Variants in C19orf38 observed in about 807,000 individuals in gnomAD.
The protein encoded by C19orf38 is chromosome 19 open reading frame 38, also known as protein HIDE1.
C19orf38 carries 14 observed loss-of-function variants against 26.6 expected under a neutral mutation model. That is an observed-to-expected ratio of 0.53 (90% CI 0.35 to 0.82). The LOEUF (loss-of-function observed/expected upper bound fraction) is 0.82. Ranked by LOEUF, C19orf38 falls within the 40% of genes least tolerant of loss-of-function variation. C19orf38 has a pLI of 0.01. For missense variants in C19orf38, 261 were observed against 299.5 expected (o/e 0.87, Z 0.95); for synonymous variants, 132 against 128.5 (o/e 1.03, Z -0.18).
chr19:10,848,383 G>A (rs2073535136), upstream of C19orf38: 2 of 1,051,150 alleles, frequency 1.9e-6, no homozygotes, highest in Admixed American at 4.1e-5. Flanking sequence ...CTGCCAGTGA[G>A]GAAACTCTCA....
In C19orf38 at chr19:10,848,525, T is replaced by C; in HGVS notation, c.17T>C (p.Leu6Ser). 2 of 1,551,684 alleles carry C rather than the reference T, an allele frequency of 1.3e-6. No individual in the cohort carries two copies. Among genetic ancestry groups the C allele is most frequent in the Non-Finnish European group, 1.7e-6 (2 of 1,146,930 alleles). MPWTI[L>S]LFAAGSLAIP... ...CAGAGAGAGATGCCCTGGACCATCT[T>C]GCTCTTTGCAGCTGGTGAGTCTGAA... Residue 6 changes from leucine (L) to serine (S), a missense_variant, in exon 1 of 7, where the codon TTG (leucine) becomes TCG (serine). By Grantham distance (145) the Leu-to-Ser change is moderately radical. Transcript: ENST00000397820.
chr19:10,868,086 G>A (rs1250213685), intron 6 of C19orf38, among the ~76,000 whole-genome samples: 1 of 152,000 alleles, frequency 6.6e-6, no homozygotes, highest in Non-Finnish European at 1.5e-5. Context: ...CCATGACCAT[G>A]GGTATGCAAA....
intron 6 of C19orf38, among the ~76,000 whole-genome samples, chr19:10,867,450 CAA>C (rs536371317): frequency 7.3e-4 from 66 of 90,798 alleles, no homozygotes; most frequent in Middle Eastern, 0.011. Flanking sequence ...ACTAAAACTA[CAA>C]AAAAAAAAAA....
Position 10,863,200 on chromosome 19 carries a change from T to C in C19orf38, c.536T>C (p.Val179Ala), listed in dbSNP as rs1568339140. 6.4e-7 allele frequency: 1 copy of C among 1,551,340 alleles called. No homozygotes were observed. Among genetic ancestry groups the C allele is most frequent in the African/African-American group, 1.4e-5 (1 of 73,036 alleles). ...DMSFDNSLFT[V>A]SAKTMPEEDP... is the part of the protein sequence containing the mutation. ...TCCTTCGATAACTCCCTGTTTACCG[T>C]CTCCGCGGTGAGTGGTTCTTTTTCT... Residue 179 changes from valine to alanine, a missense_variant, in exon 6 of 7, where the codon GTC becomes GCC. Physicochemically the swap from Val to Ala is moderately conservative, Grantham distance 64. Coordinates refer to ENST00000397820, the MANE Select transcript of C19orf38 (RefSeq NM_001136482.3).
upstream of C19orf38, among the ~76,000 whole-genome samples, chr19:10,845,177 A>G (rs1294808951): frequency 9.2e-5 from 14 of 151,648 alleles, 1 homozygote; most frequent in East Asian, 2.7e-3. Flanking sequence ...AAAAAAAGGC[A>G]TGAGGATGAA....
At chr19:10,860,233 G>C in intron 5 of C19orf38, 1 of 389,688 alleles carries the variant, frequency 2.6e-6, no homozygotes, top group Non-Finnish European at 4.8e-6. Context: ...CTTACCCCTC[G>C]GTAGAAATAC....
At chr19:10,853,706 CAG>C (rs1269199817) in intron 2 of C19orf38, among the ~76,000 whole-genome samples, 3 of 147,404 alleles carry the variant, frequency 2.0e-5, no homozygotes, top group African/African-American at 5.0e-5. Flanking sequence ...TCTCCTGCCT[CAG>C]AGCCTCCCGA....
chr19:10,869,382 G>A lies in C19orf38; in HGVS notation c.*15G>A. 6.5e-7 allele frequency: 1 copy of A among 1,542,568 alleles called. No homozygotes were observed. The highest frequency in any genetic ancestry group is 8.7e-7 in the Non-Finnish European group (1 of 1,143,216). On this transcript the variant is annotated 3_prime_UTR_variant, in exon 7 of 7. Coordinates refer to ENST00000397820, the MANE Select transcript of C19orf38 (RefSeq NM_001136482.3). ...CCTGCCAGTGAGGCTGAGGACTGGG[G>A]GACCCCTCTGTCTCCAGGCATTCGG...
chr19:10,859,183 C>T (rs1267885218), intron 4 of C19orf38, among the ~76,000 whole-genome samples: 6 of 150,088 alleles, frequency 4.0e-5, no homozygotes, highest in East Asian at 2.0e-4. Context: ...GTGATCCGCC[C>T]GCCTGTGCCT....
chr19:10,863,128 A>G (rs1215931702), intron 5 of C19orf38, 42 bp from the exon 6 acceptor site: 10 of 1,541,774 alleles, frequency 6.5e-6, no homozygotes, highest in South Asian at 1.2e-5. Flanking sequence ...GGAAGTTACA[A>G]CTGGCCCCCA....
intron 3 of C19orf38, among the ~76,000 whole-genome samples, chr19:10,857,242 A>G (rs2073634454): frequency 7.3e-6 from 1 of 136,170 alleles, no homozygotes. Context: ...CAGCCAAATT[A>G]TGTGTGTTTG....
Position 10,858,934 on chromosome 19 carries a change from ATG to A in C19orf38, c.461+593_461+594del, listed in dbSNP as rs745646177. 9.3e-3 allele frequency among the ~76,000 whole-genome samples: 1,246 copies of A among 133,332 alleles called. 20 individuals are homozygous for A. Among genetic ancestry groups the A allele is most frequent in the African/African-American group, 0.033 (1,192 of 36,014 alleles). The allele number at this position is 133,332 out of a possible 152,430, so 87.5% of individuals were successfully genotyped here. A position where few individuals can be genotyped will look rare whatever the true frequency, so the allele number is the denominator to read the frequency against. On this transcript the variant is annotated intron_variant, in intron 4 of 6. Coordinates refer to ENST00000397820, the MANE Select transcript of C19orf38 (RefSeq NM_001136482.3). ...GCCTCCTAACCAGGAGAATATATAT[ATG>A]TTTTTTTTTTTTTTTTTGAGATGGA...
intron 4 of C19orf38, among the ~76,000 whole-genome samples, chr19:10,859,312 ATGTG>A (rs1236312328): frequency 1.3e-4 from 11 of 85,144 alleles, no homozygotes; most frequent in African/African-American, 1.3e-4. Flanking sequence ...GTGTGTATGT[ATGTG>A]TGTGTGTGTA....
chr19:10,857,353 TATATATATATA>T (rs1568336474), intron 3 of C19orf38, among the ~76,000 whole-genome samples: 1 of 80,200 alleles, frequency 1.2e-5, no homozygotes, highest in African/African-American at 1.0e-4. Flanking sequence ...TATATATATA[TATATATATATA>T]TATTTTTTTT....
intron 6 of C19orf38, among the ~76,000 whole-genome samples, chr19:10,864,195 G>A (rs1177384510): frequency 6.6e-6 from 1 of 152,014 alleles, no homozygotes; most frequent in African/African-American, 2.4e-5. Flanking sequence ...GGGCAGCTGG[G>A]ATTACAGGCA....
Position 10,869,627 on chromosome 19 carries a change from C to A in C19orf38, c.*260C>A. ...CACCAGAGAAGGAGATGTCAGGACC[C>A]CTTCTTGTCCCCCAGCTGGGCCATA... On this transcript the variant is annotated 3_prime_UTR_variant, in exon 7 of 7. Transcript: ENST00000397820. The A allele has an allele frequency of 2.1e-6, 1 of 472,044 alleles. No homozygotes were observed. Among genetic ancestry groups the A allele is most frequent in the Non-Finnish European group, 3.7e-6 (1 of 272,084 alleles). 29.2% of individuals were successfully genotyped at this position (472,044 alleles called of 1,614,324 possible).
chr19:10,837,764 C>T (rs986541766), intron 1 of C19orf38, among the ~76,000 whole-genome samples: 2 of 151,872 alleles, frequency 1.3e-5, no homozygotes, highest in African/African-American at 2.4e-5. Context: ...ACCTCGGCCT[C>T]CCAAAGTGCT....
At chr19:10,860,932 C>G (rs1484906670) in intron 5 of C19orf38, among the ~76,000 whole-genome samples, 1 of 151,366 alleles carries the variant, frequency 6.6e-6, no homozygotes, top group Non-Finnish European at 1.5e-5. Context: ...ATCACGAGGT[C>G]AGGAGATCGA....
intron 6 of C19orf38, among the ~76,000 whole-genome samples, chr19:10,867,540 C>T (rs2073763881): frequency 6.7e-6 from 1 of 150,232 alleles, no homozygotes; most frequent in African/African-American, 2.4e-5. Context: ...ATCACTTGAA[C>T]CCAGGAGGCG....
Sources: gnomAD v4.1 joint callset for allele counts (sites outside exome capture counted in the v4.1 genomes callset) on GRCh38, gnomAD v4.1.1 for gene constraint, MANE v1.5 for transcripts, NCBI Gene and HGNC (gene_info 2026-07-23, HGNC 2026-07-21) for gene names.